CNTNAP2: variants seen among roughly 807,000 people sequenced by gnomAD.
CNTNAP2 encodes the protein contactin associated protein 2.
In CNTNAP2, 98 loss-of-function variants were observed where a neutral mutation model predicts 155.2. That is an observed-to-expected ratio of 0.63 (90% CI 0.54 to 0.75). The LOEUF (loss-of-function observed/expected upper bound fraction) is 0.75. Among genes scored for constraint, CNTNAP2 ranks in the 30% least tolerant of loss-of-function variants. CNTNAP2 has a pLI of 0.00. For synonymous variants in CNTNAP2, 651 were observed against 631.2 expected (o/e 1.03, Z -0.47); for missense variants, 1,727 against 1,688.1 (o/e 1.02, Z -0.40).
chr7:147,113,781 A>T (rs1292857827), intron 5 of CNTNAP2, among the ~76,000 whole-genome samples: 1 of 152,032 alleles, frequency 6.6e-6, no homozygotes, highest in Non-Finnish European at 1.5e-5. Flanking sequence ...GATTTTTTGA[A>T]GGATTTTTTT....
chr7:148,019,467 T>G (rs1481861185), intron 15 of CNTNAP2, among the ~76,000 whole-genome samples: 1 of 152,138 alleles, frequency 6.6e-6, no homozygotes, highest in Non-Finnish European at 1.5e-5. Flanking sequence ...TTTTGTTTTG[T>G]TTTGTTTTTT....
At chr7:147,656,335 G>C (rs1795525439) in intron 13 of CNTNAP2, among the ~76,000 whole-genome samples, 1 of 152,224 alleles carries the variant, frequency 6.6e-6, no homozygotes, top group African/African-American at 2.4e-5. Context: ...TTTGGCGCAA[G>C]AGGGTTAGCT....
chr7:147,516,067 T>A (rs1474794303), intron 11 of CNTNAP2, among the ~76,000 whole-genome samples: 1 of 152,240 alleles, frequency 6.6e-6, no homozygotes, highest in Non-Finnish European at 1.5e-5. Flanking sequence ...GCTGCTATTA[T>A]AGCAGAGATA....
At chr7:146,981,670 C>T (rs1798020325) in intron 3 of CNTNAP2, among the ~76,000 whole-genome samples, 1 of 151,916 alleles carries the variant, frequency 6.6e-6, no homozygotes, top group Non-Finnish European at 1.5e-5. Flanking sequence ...AAAGTTATTT[C>T]AGAAGAGGTC....
intron 14 of CNTNAP2, among the ~76,000 whole-genome samples, chr7:147,940,867 A>G (rs1210131015): frequency 6.6e-6 from 1 of 152,180 alleles, no homozygotes; most frequent in Non-Finnish European, 1.5e-5. Context: ...AACCCCATCA[A>G]ACAAATCACC....
At chr7:148,272,849 C>T (rs559820088) in intron 21 of CNTNAP2, among the ~76,000 whole-genome samples, 1 of 152,236 alleles carries the variant, frequency 6.6e-6, no homozygotes, top group East Asian at 1.9e-4. Context: ...ACCAGATAAA[C>T]ACAAGACCCG....
At chr7:146,390,110 T>C (rs1047165896) in intron 1 of CNTNAP2, among the ~76,000 whole-genome samples, 9 of 152,182 alleles carry the variant, frequency 5.9e-5, no homozygotes, top group African/African-American at 1.9e-4. Context: ...TTTTAGTAAA[T>C]ATTCCAAAAG....
chr7:148,315,136 C>A (rs1797664994), intron 21 of CNTNAP2, among the ~76,000 whole-genome samples: 4 of 152,110 alleles, frequency 2.6e-5, no homozygotes, highest in Admixed American at 2.6e-4. Context: ...TTCTCACAGA[C>A]CAAAGAGCAG....
At chr7:147,321,434 T>G (rs1416571194) in intron 9 of CNTNAP2, among the ~76,000 whole-genome samples, 1 of 151,222 alleles carries the variant, frequency 6.6e-6, no homozygotes, top group East Asian at 1.9e-4. Flanking sequence ...TATTTTTTAT[T>G]TTTTTCATTT....
chr7:146,592,912 C>T (rs1212974041), intron 1 of CNTNAP2, among the ~76,000 whole-genome samples: 2 of 151,992 alleles, frequency 1.3e-5, no homozygotes, highest in Non-Finnish European at 2.9e-5. Context: ...AGCATTTTCA[C>T]TTAGCACCCT....
chr7:146,426,961 C>T, intron 1 of CNTNAP2, among the ~76,000 whole-genome samples: 1 of 152,032 alleles, frequency 6.6e-6, no homozygotes, highest in Non-Finnish European at 1.5e-5. Flanking sequence ...AAACGTCATG[C>T]TGTACACCAT....
intron 13 of CNTNAP2, among the ~76,000 whole-genome samples, chr7:147,787,836 C>T (rs1445927645): frequency 1.3e-5 from 2 of 152,156 alleles, no homozygotes; most frequent in Admixed American, 6.5e-5. Context: ...TTTAAAACAA[C>T]ACTTAATGCA....
chr7:147,429,777 T>C (rs1797436773), intron 10 of CNTNAP2, among the ~76,000 whole-genome samples: 1 of 152,216 alleles, frequency 6.6e-6, no homozygotes, highest in Middle Eastern at 3.2e-3. Flanking sequence ...TTTCTATATA[T>C]GGCTTACCAA....
At chr7:147,699,657 T>C (rs925160288) in intron 13 of CNTNAP2, among the ~76,000 whole-genome samples, 2 of 152,194 alleles carry the variant, frequency 1.3e-5, no homozygotes, top group African/African-American at 4.8e-5. Flanking sequence ...AGGTAGTTTT[T>C]CATTTTATTT....
chr7:147,040,918 G>T (rs1799248670), intron 3 of CNTNAP2, among the ~76,000 whole-genome samples: 2 of 152,016 alleles, frequency 1.3e-5, no homozygotes, highest in Non-Finnish European at 2.9e-5. Context: ...TCTTGGAATA[G>T]GTTGATTATA....
chr7:146,591,000 A>G (rs561086588), intron 1 of CNTNAP2, among the ~76,000 whole-genome samples: 1 of 152,278 alleles, frequency 6.6e-6, no homozygotes, highest in South Asian at 2.1e-4. Context: ...TAGCATATAA[A>G]TTCAGAGTCA....
chr7:147,780,637 A>G (rs563322503), intron 13 of CNTNAP2, among the ~76,000 whole-genome samples: 1 of 152,354 alleles, frequency 6.6e-6, no homozygotes, highest in South Asian at 2.1e-4. Context: ...CAGCAAGTGA[A>G]TGATTCACTT....
intron 1 of CNTNAP2, among the ~76,000 whole-genome samples, chr7:146,454,502 G>T (rs1796527455): frequency 6.6e-6 from 1 of 151,936 alleles, no homozygotes; most frequent in Non-Finnish European, 1.5e-5. Flanking sequence ...AAGGTAGTGT[G>T]AATCCATTTA....
At chr7:147,113,665 A>T (rs1034148541) in intron 5 of CNTNAP2, among the ~76,000 whole-genome samples, 17 of 152,170 alleles carry the variant, frequency 1.1e-4, no homozygotes, top group African/African-American at 4.1e-4. Context: ...CACCCCCATG[A>T]CGTCCCTCCC....
Sources: gnomAD v4.1 joint callset for allele counts (sites outside exome capture counted in the v4.1 genomes callset) on GRCh38, gnomAD v4.1.1 for gene constraint, MANE v1.5 for transcripts, NCBI Gene and HGNC (gene_info 2026-07-23, HGNC 2026-07-21) for gene names.